Variants in TRIM14 observed in about 807,000 individuals in gnomAD.
TRIM14 encodes the protein tripartite motif containing 14, also known as tripartite motif-containing protein 14.
In TRIM14, 28 loss-of-function variants were observed where a neutral mutation model predicts 44.5. The observed-to-expected ratio is 0.63, with a 90% CI of 0.47 to 0.86. The LOEUF is 0.86. Among genes scored for constraint, TRIM14 ranks in the 40% least tolerant of loss-of-function variants. TRIM14 has a pLI of 0.00. For missense variants in TRIM14, 607 were observed against 611.1 expected, an observed-to-expected ratio of 0.99 and a Z score of 0.07; for synonymous variants, 299 against 269.2, an observed-to-expected ratio of 1.11 and a Z score of -1.08.
intron 4 of TRIM14, among the ~76,000 whole-genome samples, chr9:98,093,728 C>A (rs1027185062): frequency 7.3e-6 from 1 of 137,608 alleles, no homozygotes; most frequent in Non-Finnish European, 1.5e-5. Flanking sequence ...TTCCATCCTG[C>A]CCTGGTTTAT....
chr9:98,087,525 A>G lies in TRIM14; in HGVS notation c.1274T>C (p.Leu425Pro). Residue 425 changes from leucine (L) to proline (P), a missense_variant, in exon 6 of 6, where the codon CTC becomes CCC. Leu to Pro is a moderately conservative substitution (Grantham distance 98). Transcript: ENST00000341469. The stretch of plus-strand genomic sequence containing the variant: ...CTCCCAGAGCCGCAGGGCCGGGTAG[A>G]GCGGCTCCTGGAACGTGGCGCGGAA... The part of the protein sequence containing the change: ...HTFRATFQEP[L>P]YPALRLWEGA... 1 of 1,598,448 alleles carries G rather than the reference A, an allele frequency of 6.3e-7. No individual in the cohort carries two copies. The highest frequency in any genetic ancestry group is 8.5e-7 in the Non-Finnish European group (1 of 1,173,654).
At chr9:98,063,544 G>GT in the TRIM14 span, among the ~76,000 whole-genome samples, 4 of 149,334 alleles carry the variant, frequency 2.7e-5, no homozygotes, top group African/African-American at 4.9e-5. Context: ...GCCTGGCCTA[G>GT]TTTTTTTTGT....
chr9:98,065,483 A>ATTTTTTTTTTTTTT (rs397837187), downstream of TRIM14, among the ~76,000 whole-genome samples: 144 of 58,634 alleles, frequency 2.5e-3, 3 homozygotes, highest in African/African-American at 6.6e-3. Context: ...TGCCCAGCTA[A>ATTTTTTTTTTTTTT]TTTTTTTTTT....
chr9:98,109,071 T>A (rs1283301287), intron 2 of TRIM14, among the ~76,000 whole-genome samples: 1 of 151,952 alleles, frequency 6.6e-6, no homozygotes, highest in Admixed American at 6.6e-5. Flanking sequence ...TTAGTAGAGA[T>A]GGGAGTCTCA....
rs192843018 is a variant in TRIM14 at position 98,115,914 on chromosome 9, C to T, written c.207+3068G>A. On this transcript the variant is annotated intron_variant, in intron 1 of 5. Transcript: ENST00000341469. Reference sequence around the variant, plus strand: ...GGCTTGGTGGCTCAGGTCTGTAATCCCAGCACTTTGGGAGGCTGAGGTAGG... The same window carrying T: ...GGCTTGGTGGCTCAGGTCTGTAATCTCAGCACTTTGGGAGGCTGAGGTAGG... 9.0e-4 allele frequency: 137 copies of T among 152,086 alleles called. 1 individual carries two copies. Among genetic ancestry groups the T allele is most frequent in the African/African-American group, 3.2e-3 (132 of 41,478 alleles). The allele number at this position is 152,086 out of a possible 1,614,324, so 9.4% of individuals were successfully genotyped here.
chr9:98,097,505 C>T (rs1451780784), intron 3 of TRIM14, among the ~76,000 whole-genome samples: 2 of 152,254 alleles, frequency 1.3e-5, no homozygotes, highest in Non-Finnish European at 2.9e-5. Context: ...TCCCAGACTG[C>T]ATCCTTCTCC....
downstream of TRIM14, chr9:98,081,987 A>G (rs951755368): frequency 6.6e-6 from 1 of 152,066 alleles, no homozygotes; most frequent in South Asian, 2.1e-4. Flanking sequence ...ACAGTAAAAC[A>G]TAACAGGATG....
At chr9:98,056,024 G>A in the TRIM14 span, among the ~76,000 whole-genome samples, 1 of 152,114 alleles carries the variant, frequency 6.6e-6, no homozygotes, top group African/African-American at 2.4e-5. Flanking sequence ...ACAGGTGTGA[G>A]CCACCGCGCC....
intron 6 of TRIM14, chr9:98,078,426 A>C: frequency 6.7e-7 from 1 of 1,486,830 alleles, no homozygotes; most frequent in Non-Finnish European, 9.1e-7. Context: ...CCAAAATTCT[A>C]ACAAACATGG....
downstream of TRIM14, among the ~76,000 whole-genome samples, chr9:98,083,540 T>C (rs1033470315): frequency 1.3e-5 from 2 of 152,254 alleles, no homozygotes; most frequent in East Asian, 1.9e-4. Context: ...TCAAAGGATC[T>C]TGTAGGCAGA....
At chr9:98,107,798 C>T (rs184611792) in intron 2 of TRIM14, among the ~76,000 whole-genome samples, 11 of 151,834 alleles carry the variant, frequency 7.2e-5, no homozygotes, top group African/African-American at 1.7e-4. Flanking sequence ...TTCTGAGTAG[C>T]TTGGATTATA....
At chr9:98,038,977 G>C in the TRIM14 span, among the ~76,000 whole-genome samples, 1 of 151,960 alleles carries the variant, frequency 6.6e-6, no homozygotes, top group South Asian at 2.1e-4. Flanking sequence ...TTGAACCCAG[G>C]AGGCAGAGGT....
At position 98,102,007 on chromosome 9, in the gene TRIM14, C is replaced by CAA. The variant is rs998993291; in HGVS notation, c.304-1845_304-1844dup. ...TGGGCGACAATGCAAGACTTTGACT[C>CAA]AAAAAAAAAAAAAAAAAAGAAAAGA... On this transcript the variant is annotated intron_variant, in intron 2 of 5. Coordinates refer to ENST00000341469, the MANE Select transcript of TRIM14 (RefSeq NM_014788.4). Among the ~76,000 whole-genome samples the CAA allele has an allele frequency of 2.7e-3, 154 of 57,668 alleles. 2 individuals carry two copies. Among genetic ancestry groups the CAA allele is most frequent in the Middle Eastern group, 0.024 (2 of 82 alleles). The allele number at this position is 57,668 out of a possible 152,430, so 37.8% of individuals were successfully genotyped here. A position where few individuals can be genotyped will look rare whatever the true frequency, so the allele number is the denominator to read the frequency against.
chr9:98,059,055 G>A, the TRIM14 span, among the ~76,000 whole-genome samples: 11 of 151,374 alleles, frequency 7.3e-5, no homozygotes, highest in African/African-American at 2.7e-4. Flanking sequence ...ACGGAGTCTC[G>A]CTGTGTCACC....
At position 98,092,018 on chromosome 9, in the gene TRIM14, A is replaced by G. The variant is rs1279899673; in HGVS notation, c.701-17T>C. The G allele has an allele frequency of 1.3e-6, 2 of 1,587,576 alleles. No homozygotes were observed. Among genetic ancestry groups the G allele is most frequent in the African/African-American group, 2.7e-5 (2 of 74,240 alleles). On this transcript the variant is annotated splice_polypyrimidine_tract_variant and intron_variant, in intron 4 of 5. Transcript: ENST00000341469. Reference sequence around the variant, plus strand: ...AGTTTATGCCTGTAAGGAATTGTTGAGAAATGAGCGCCCGGAGCTTATGCA... The same window carrying G: ...AGTTTATGCCTGTAAGGAATTGTTGGGAAATGAGCGCCCGGAGCTTATGCA...
At chr9:98,079,785 C>T (rs963327408), downstream of TRIM14, among the ~76,000 whole-genome samples, 1 of 152,180 alleles carries the variant, frequency 6.6e-6, no homozygotes, top group African/African-American at 2.4e-5. Context: ...GTTATTCTGC[C>T]AGCCTATCCC....
At chr9:98,037,048 A>C in the TRIM14 span, among the ~76,000 whole-genome samples, 5 of 152,074 alleles carry the variant, frequency 3.3e-5, no homozygotes, top group Non-Finnish European at 7.4e-5. Flanking sequence ...AGGGAATGAC[A>C]GACAAAAGAG....
downstream of TRIM14, among the ~76,000 whole-genome samples, chr9:98,068,650 T>TA (rs55679709): frequency 0.07 from 8,965 of 127,640 alleles, 411 homozygotes; most frequent in South Asian, 0.23. Context: ...CCCCATCTAT[T>TA]AAAAAAAAAA....
chr9:98,045,811 T>C, the TRIM14 span, among the ~76,000 whole-genome samples: 172 of 152,330 alleles, frequency 1.1e-3, no homozygotes, highest in African/African-American at 3.8e-3. Flanking sequence ...TTTGTGTCCA[T>C]TGATCTCTTG....
Sources: gnomAD v4.1 joint callset for allele counts (sites outside exome capture counted in the v4.1 genomes callset) on GRCh38, gnomAD v4.1.1 for gene constraint, MANE v1.5 for transcripts, NCBI Gene and HGNC (gene_info 2026-07-23, HGNC 2026-07-21) for gene names.